ANK2: variants seen among roughly 807,000 people sequenced by gnomAD.
The protein encoded by ANK2 is ankyrin-2.
Under a neutral mutation model 360.5 loss-of-function variants are expected in ANK2, and 83 were observed. The observed-to-expected ratio is 0.23, with a 90% CI of 0.19 to 0.28. The LOEUF is 0.28. ANK2 is among the 10% of genes least tolerant of loss of function. ANK2 has a pLI of 1.00. For missense variants in ANK2, 4,201 were observed against 4,795.7 expected (o/e 0.88, Z 3.66); for synonymous variants, 1,740 against 1,759.5 (o/e 0.99, Z 0.28).
rs766646388 is a variant in ANK2 at position 113,357,332 on chromosome 4, C to T, written c.8714C>T (p.Ser2905Phe). Reference protein sequence around the residue: ...SSITTQTDRFSMDVPVSDLAE... With the variant: ...SSITTQTDRFFMDVPVSDLAE... ...ATTACTACTCAAACAGATAGATTTTCCATGGATGTTCCCGTGTCTGACCTA... is the reference window on the plus strand; with the variant it reads ...ATTACTACTCAAACAGATAGATTTTTCATGGATGTTCCCGTGTCTGACCTA... Residue 2905 changes from serine to phenylalanine, a missense_variant, in exon 38 of 46, where the codon TCC (serine) becomes TTC (phenylalanine). Ser to Phe is a radical substitution (Grantham distance 155). Around this residue, in one of 4 missense-constraint regions of ANK2, gnomAD observed 2,642 missense variants for 2,714.5 expected, o/e 0.97. Transcript: ENST00000357077. 2 of 1,614,052 alleles carry T rather than the reference C, an allele frequency of 1.2e-6. No homozygotes were observed. Among genetic ancestry groups the T allele is most frequent in the South Asian group, 2.2e-5 (2 of 91,088 alleles).
At chr4:112,854,898 A>G (rs2065961236) in intron 1 of ANK2, among the ~76,000 whole-genome samples, 1 of 152,024 alleles carries the variant, frequency 6.6e-6, no homozygotes, top group Non-Finnish European at 1.5e-5. Context: ...GTATGATTTA[A>G]TTTGGGTTAT....
the ANK2 span, among the ~76,000 whole-genome samples, chr4:112,750,338 G>A: frequency 6.6e-6 from 1 of 151,936 alleles, no homozygotes; most frequent in Admixed American, 6.6e-5. Context: ...TCCAGCCTGG[G>A]CGACAGAGTG....
At chr4:113,197,588 C>T (rs2153397517) in intron 3 of ANK2, among the ~76,000 whole-genome samples, 1 of 152,120 alleles carries the variant, frequency 6.6e-6, no homozygotes, top group East Asian at 1.9e-4. Context: ...AACAAACAAA[C>T]AAAAAAGTAC....
chr4:112,871,141 T>C (rs1350773137), intron 1 of ANK2, among the ~76,000 whole-genome samples: 21 of 152,168 alleles, frequency 1.4e-4, no homozygotes, highest in Admixed American at 1.4e-3. Context: ...CTGATATTTG[T>C]ATATTGATCT....
chr4:112,958,627 A>T (rs1259217982), intron 2 of ANK2, among the ~76,000 whole-genome samples: 1 of 147,740 alleles, frequency 6.8e-6, no homozygotes, highest in South Asian at 2.1e-4. Context: ...GAGAGGGGGG[A>T]GAGGGAGAGG....
At chr4:113,340,056 G>A (rs2094086140) in intron 32 of ANK2, among the ~76,000 whole-genome samples, 1 of 152,222 alleles carries the variant, frequency 6.6e-6, no homozygotes, top group Admixed American at 6.5e-5. Context: ...ATAGTTGGGT[G>A]TGGTGGCACA....
At chr4:112,890,902 G>A (rs1286660914) in intron 1 of ANK2, among the ~76,000 whole-genome samples, 2 of 152,134 alleles carry the variant, frequency 1.3e-5, no homozygotes, top group African/African-American at 2.4e-5. Flanking sequence ...GCAATGTTAG[G>A]TGCTATCCAA....
intron 1 of ANK2, among the ~76,000 whole-genome samples, chr4:113,120,486 A>G (rs1046484411): frequency 1.3e-5 from 2 of 152,228 alleles, no homozygotes; most frequent in African/African-American, 4.8e-5. Flanking sequence ...TCTTTCCACA[A>G]CTAGATACTA....
At chr4:113,253,781 C>T (rs1215627618) in intron 10 of ANK2, among the ~76,000 whole-genome samples, 1 of 152,102 alleles carries the variant, frequency 6.6e-6, no homozygotes, top group East Asian at 1.9e-4. Context: ...AATTGACTTC[C>T]CTTCTTTTGC....
chr4:112,751,191 C>T, the ANK2 span, among the ~76,000 whole-genome samples: 266 of 152,272 alleles, frequency 1.7e-3, 7 homozygotes, highest in East Asian at 0.041. Context: ...CAACCTCCCC[C>T]TCCAAGGAAA....
At chr4:112,714,896 A>G in the ANK2 span, among the ~76,000 whole-genome samples, 1 of 152,212 alleles carries the variant, frequency 6.6e-6, no homozygotes, top group African/African-American at 2.4e-5. Flanking sequence ...CTGTAAACCT[A>G]GCTTTTATCA....
At chr4:113,045,385 G>C (rs908081541), upstream of ANK2, among the ~76,000 whole-genome samples, 19 of 152,210 alleles carry the variant, frequency 1.2e-4, no homozygotes, top group African/African-American at 4.3e-4. Context: ...TTTATTAAGT[G>C]GCTGCTTTTC....
upstream of ANK2, among the ~76,000 whole-genome samples, chr4:113,045,861 A>G (rs1410596044): frequency 6.6e-6 from 1 of 152,228 alleles, no homozygotes; most frequent in Admixed American, 6.5e-5. Flanking sequence ...AATAAAAAAT[A>G]ATCTTTTAGA....
chr4:112,793,706 C>CTTTTTT, the ANK2 span, among the ~76,000 whole-genome samples: 8 of 134,772 alleles, frequency 5.9e-5, no homozygotes, highest in Non-Finnish European at 9.5e-5. Context: ...ATTTTCTTTT[C>CTTTTTT]TTTTTTTTTT....
At chr4:113,297,042 T>C (rs2072000140) in intron 22 of ANK2, among the ~76,000 whole-genome samples, 1 of 152,104 alleles carries the variant, frequency 6.6e-6, no homozygotes, top group Non-Finnish European at 1.5e-5. Flanking sequence ...AAGTCCTAAA[T>C]CTTACCTGAT....
intron 2 of ANK2, among the ~76,000 whole-genome samples, chr4:112,961,059 TG>T (rs1373393081): frequency 2.7e-5 from 4 of 146,418 alleles, no homozygotes; most frequent in African/African-American, 1.0e-4. Flanking sequence ...TCTAAATAAC[TG>T]TTTTTTTTTT....
At chr4:112,731,559 A>G in the ANK2 span, among the ~76,000 whole-genome samples, 3 of 151,854 alleles carry the variant, frequency 2.0e-5, no homozygotes, top group Non-Finnish European at 4.4e-5. Context: ...ATAAGACCCC[A>G]ATCTCTACAG....
In ANK2 at chr4:113,274,484, C is replaced by T. The variant is rs2153688070; in HGVS notation, c.1518C>T (p.Arg506=). Residue 506 remains arginine (R), a synonymous_variant, in exon 15 of 46, where the codon CGC becomes CGT. Coordinates refer to ENST00000357077, the MANE Select transcript of ANK2 (RefSeq NM_001148.6). ...EEQTPLHIAS[R]LGKTEIVQLL... is the part of the protein sequence containing the mutation. ...AGACACCTTTACATATTGCCTCCCG[C>T]CTGGGTAAGACAGAAATTGTCCAGC... 1 of 1,614,178 alleles carries T rather than the reference C, an allele frequency of 6.2e-7. No individual in the cohort carries two copies. The highest frequency in any genetic ancestry group is 2.2e-5 in the East Asian group (1 of 44,880).
At chr4:113,131,808 A>G (rs1562286278) in intron 1 of ANK2, among the ~76,000 whole-genome samples, 1 of 152,242 alleles carries the variant, frequency 6.6e-6, no homozygotes, top group Non-Finnish European at 1.5e-5. Context: ...TTGTGATTCC[A>G]CATATCCTAA....
Sources: gnomAD v4.1 joint callset for allele counts (sites outside exome capture counted in the v4.1 genomes callset) on GRCh38, gnomAD v4.1.1 for gene constraint, gnomAD v4.1.1 regional missense constraint, MANE v1.5 for transcripts, NCBI Gene and HGNC (gene_info 2026-07-23, HGNC 2026-07-21) for gene names.